C19orf44: variants seen among roughly 807,000 people sequenced by gnomAD.
C19orf44 encodes uncharacterized protein C19orf44.
In C19orf44, 43 loss-of-function variants were observed where a neutral mutation model predicts 50.7. That is an observed-to-expected ratio of 0.85 (90% CI 0.66 to 1.09). The LOEUF (loss-of-function observed/expected upper bound fraction) is 1.09. Ranked by LOEUF, C19orf44 falls within the 50% of genes least tolerant of loss-of-function variation. The probability of loss-of-function intolerance (pLI) is 0.00; values close to 1 mark genes in which losing one functional copy is unlikely to be tolerated. For missense variants in C19orf44, 722 were observed against 836.2 expected, an observed-to-expected ratio of 0.86 and a Z score of 1.68; for synonymous variants, 298 against 334.7, an observed-to-expected ratio of 0.89 and a Z score of 1.20.
At chr19:16,504,878 G>A (rs1432307848) in intron 3 of C19orf44, among the ~76,000 whole-genome samples, 1 of 151,728 alleles carries the variant, frequency 6.6e-6, no homozygotes, top group Non-Finnish European at 1.5e-5. Flanking sequence ...GAGTGCAATG[G>A]CGTGATCTCG....
At chr19:16,517,405 A>G (rs1053425533) in intron 8 of C19orf44, 64 bp downstream of exon 8, 1 of 1,202,458 alleles carries the variant, frequency 8.3e-7, no homozygotes, top group African/African-American at 1.5e-5. Flanking sequence ...TCAGTGTCCA[A>G]GTGTGACGTT....
At chr19:16,498,140 C>T (rs2093415164) in intron 1 of C19orf44, among the ~76,000 whole-genome samples, 1 of 152,144 alleles carries the variant, frequency 6.6e-6, no homozygotes, top group African/African-American at 2.4e-5. Context: ...CATTTGCATA[C>T]ATTTGCATTT....
At chr19:16,507,582 C>T (rs2093444095) in intron 4 of C19orf44, among the ~76,000 whole-genome samples, 1 of 150,444 alleles carries the variant, frequency 6.6e-6, no homozygotes, top group South Asian at 2.1e-4. Context: ...ACCTCCACCT[C>T]CCGGGTTCAA....
At chr19:16,505,957 C>T (rs2093439469) in intron 3 of C19orf44, among the ~76,000 whole-genome samples, 1 of 152,018 alleles carries the variant, frequency 6.6e-6, no homozygotes. Flanking sequence ...GCTGGGATTA[C>T]AGGCGTGAGC....
Position 16,520,979 on chromosome 19 carries a change from A to T in C19orf44, c.*926A>T. ...CCCACAAGGAAGTCGTGAAAAAGTC[A>T]TCAGGAGTTAATCCACAGAACCTTG... On this transcript the variant is annotated 3_prime_UTR_variant, in exon 9 of 9. Coordinates refer to ENST00000221671, the MANE Select transcript of C19orf44 (RefSeq NM_032207.4). This position sits in a 1 kb window ranked among gnomAD's most constrained non-coding sequence, Gnocchi z 4.0. 1 of 1,356,938 alleles carries T rather than the reference A, an allele frequency of 7.4e-7. No individual in the cohort carries two copies. Among genetic ancestry groups the T allele is most frequent in the Non-Finnish European group, 1.1e-6 (1 of 950,698 alleles). The allele number at this position is 1,356,938 out of a possible 1,614,324, so 84.1% of individuals were successfully genotyped here. A position where few individuals can be genotyped will look rare whatever the true frequency, so the allele number is the denominator to read the frequency against.
At chr19:16,512,414 TAGA>T (rs1480919591) in intron 5 of C19orf44, among the ~76,000 whole-genome samples, 2 of 152,140 alleles carry the variant, frequency 1.3e-5, no homozygotes, top group African/African-American at 2.4e-5. Context: ...CAGTGACCCT[TAGA>T]AGAAGGGCTG....
intron 3 of C19orf44, among the ~76,000 whole-genome samples, chr19:16,506,321 C>T (rs185873737): frequency 9.3e-5 from 14 of 149,852 alleles, no homozygotes; most frequent in South Asian, 2.3e-4. Flanking sequence ...AGGCTGGCTG[C>T]GGTGGCTCAC....
rs1325014494 is a variant in C19orf44, at chr19:16,509,511, C to G, written c.1162C>G (p.Gln388Glu). 6.5e-7 allele frequency: 1 copy of G among 1,541,782 alleles called. No individual in the cohort carries two copies. The highest frequency in any genetic ancestry group is 2.3e-5 in the East Asian group (1 of 44,318). Reference protein sequence around the residue: ...SDLEQEEESAQRQKTAGKIFR... With the variant: ...SDLEQEEESAERQKTAGKIFR... ...TTCTTCATTTTAGGAGGAAAGTGCTCAGAGACAAAAAACAGCTGGCAAAAT... is the reference window on the plus strand; with the variant it reads ...TTCTTCATTTTAGGAGGAAAGTGCTGAGAGACAAAAAACAGCTGGCAAAAT... Residue 388 changes from glutamine (Q) to glutamate (E), a missense_variant, in exon 5 of 9, where the codon CAG becomes GAG. Coordinates refer to ENST00000221671, the MANE Select transcript of C19orf44 (RefSeq NM_032207.4).
At chr19:16,500,663 C>T in intron 1 of C19orf44, 129 bp from the exon 2 acceptor site, 1 of 937,132 alleles carries the variant, frequency 1.1e-6, no homozygotes, top group South Asian at 1.7e-5. Flanking sequence ...CATTGTCATC[C>T]TTGGGCTTGA....
Position 16,513,457 on chromosome 19 carries a change from C to T in C19orf44, c.1735+348C>T, listed in dbSNP as rs575936748. ...GGAGTGCAGTGGCGCGATCTCCACT[C>T]ACTGGGACCTCTGCCTCCTGGGTTC... On this transcript the variant is annotated intron_variant, in intron 6 of 8. Coordinates refer to ENST00000221671, the MANE Select transcript of C19orf44 (RefSeq NM_032207.4). Among the ~76,000 whole-genome samples, 60 of 152,324 alleles carry T rather than the reference C, an allele frequency of 3.9e-4. 1 individual carries two copies. The highest frequency in any genetic ancestry group is 1.4e-3 in the African/African-American group (59 of 41,586).
At chr19:16,496,915 G>A (rs1012256261) in intron 1 of C19orf44, among the ~76,000 whole-genome samples, 1 of 151,950 alleles carries the variant, frequency 6.6e-6, no homozygotes, top group Non-Finnish European at 1.5e-5. Flanking sequence ...ATCACTTGAG[G>A]CCAGGAGATC....
rs889861788 is a variant in C19orf44, at chr19:16,520,704, C to T, written c.*651C>T. The T allele has an allele frequency of 5.0e-6, 6 of 1,196,924 alleles. No homozygotes were observed. The highest frequency in any genetic ancestry group is 1.8e-5 in the Admixed American group (1 of 56,652). 74.1% of individuals were successfully genotyped at this position (1,196,924 alleles called of 1,614,324 possible). A position where few individuals can be genotyped will look rare whatever the true frequency, so the allele number is the denominator to read the frequency against. ...GTGTGAATTCAGGCCTTGTGGAAAA[C>T]ACCGCCCCATAGGCACAGGCTGTGT... On this transcript the variant is annotated 3_prime_UTR_variant, in exon 9 of 9. Coordinates refer to ENST00000221671, the MANE Select transcript of C19orf44 (RefSeq NM_032207.4). This position sits in a 1 kb window ranked among gnomAD's most constrained non-coding sequence, Gnocchi z 4.0.
chr19:16,512,921 G>A, intron 5 of C19orf44, 93 bp from the exon 6 acceptor site: 3 of 972,768 alleles, frequency 3.1e-6, no homozygotes, highest in Non-Finnish European at 4.6e-6. Flanking sequence ...GGAAGAACAA[G>A]GTCACGTAGT....
In C19orf44 at chr19:16,520,304, C is replaced by T. The variant is rs779871724; in HGVS notation, c.*251C>T. 2.9e-5 allele frequency: 46 copies of T among 1,610,964 alleles called. No homozygotes were observed. Among genetic ancestry groups the T allele is most frequent in the Middle Eastern group, 3.3e-4 (2 of 6,056 alleles). ...TGCCCAAGGGTCAGCAGCAGCCAGGCGTCGTGGGGAGGCCACAGGAAGAGG... is the reference window on the plus strand; with the variant it reads ...TGCCCAAGGGTCAGCAGCAGCCAGGTGTCGTGGGGAGGCCACAGGAAGAGG... On this transcript the variant is annotated 3_prime_UTR_variant, in exon 9 of 9. Transcript: ENST00000221671. The surrounding 1 kb of genome is among the most constrained non-coding windows in gnomAD (Gnocchi z 4.0).
chr19:16,506,168 G>C (rs2093440026), intron 3 of C19orf44, among the ~76,000 whole-genome samples: 1 of 150,380 alleles, frequency 6.6e-6, no homozygotes, highest in East Asian at 2.0e-4. Flanking sequence ...GTAGAGACAG[G>C]GTTTCATTGT....
chr19:16,520,746 A>T lies in C19orf44; in HGVS notation c.*693A>T. The T allele has an allele frequency of 7.3e-7, 1 of 1,367,088 alleles. No homozygotes were observed. The allele number at this position is 1,367,088 out of a possible 1,614,324, so 84.7% of individuals were successfully genotyped here. A position where few individuals can be genotyped will look rare whatever the true frequency, so the allele number is the denominator to read the frequency against. ...AGGCTGTGTGAGGGTGGACGTGATG[A>T]GTGTATCTGGGGTCTGCTCCCACCC... On this transcript the variant is annotated 3_prime_UTR_variant, in exon 9 of 9. Coordinates refer to ENST00000221671, the MANE Select transcript of C19orf44 (RefSeq NM_032207.4). The surrounding 1 kb of genome is among the most constrained non-coding windows in gnomAD (Gnocchi z 4.0).
chr19:16,517,186 T>G (rs934169975), intron 7 of C19orf44, 44 bp from the exon 8 acceptor site: 2 of 1,570,560 alleles, frequency 1.3e-6, no homozygotes, highest in African/African-American at 2.7e-5. Context: ...CAGAGTGTAC[T>G]GAGGTGACGA....
At chr19:16,497,458 C>A (rs1028645927) in intron 1 of C19orf44, among the ~76,000 whole-genome samples, 2 of 145,480 alleles carry the variant, frequency 1.4e-5, no homozygotes, top group Admixed American at 7.3e-5. Flanking sequence ...TCAAGCAATT[C>A]TCCTGTCTCA....
At chr19:16,518,949 T>C in intron 8 of C19orf44, 1 of 582,594 alleles carries the variant, frequency 1.7e-6, no homozygotes, top group Non-Finnish European at 3.0e-6. Context: ...CGCCTCCTGG[T>C]GTGGTTTGTG....
Sources: allele counts gnomAD v4.1 joint callset (sites outside exome capture counted in the v4.1 genomes callset), GRCh38; gene constraint gnomAD v4.1.1; non-coding constraint Gnocchi (gnomAD v3.1); transcripts MANE v1.5; gene names NCBI Gene and HGNC (gene_info 2026-07-23, HGNC 2026-07-21).